Variants in CYP19A1 observed in about 807,000 individuals in gnomAD.
CYP19A1 encodes cytochrome P450 family 19 subfamily A member 1.
CYP19A1 carries 32 observed loss-of-function variants against 44.4 expected under a neutral mutation model. The observed-to-expected ratio is 0.72, with a 90% CI of 0.54 to 0.97. CYP19A1 has a LOEUF of 0.97. Ranked by LOEUF, CYP19A1 falls within the 50% of genes least tolerant of loss-of-function variation. CYP19A1 has a pLI of 0.00. For missense variants in CYP19A1, 598 were observed against 637.8 expected (o/e 0.94, Z 0.67); for synonymous variants, 212 against 215.6 (o/e 0.98, Z 0.14).
At chr15:51,282,895 T>C (rs1902579) in intron 1 of CYP19A1, among the ~76,000 whole-genome samples, 3,316 of 151,984 alleles carry the variant, frequency 0.022, 112 homozygotes, top group East Asian at 0.14. Flanking sequence ...GCATTTATTA[T>C]GAAGAGTGGG....
At chr15:51,219,061 G>A (rs1435383368) in intron 5 of CYP19A1, among the ~76,000 whole-genome samples, 2 of 152,204 alleles carry the variant, frequency 1.3e-5, no homozygotes, top group African/African-American at 2.4e-5. Context: ...CCTGTTAGGT[G>A]GCTAACAACC....
chr15:51,309,249 T>C (rs576813154), intron 1 of CYP19A1, among the ~76,000 whole-genome samples: 1 of 152,268 alleles, frequency 6.6e-6, no homozygotes, highest in East Asian at 1.9e-4. Context: ...ACAGCAAAAG[T>C]TGGCAAAGAC....
rs1289628542 is a variant in CYP19A1, at chr15:51,338,505, G to T, written c.-49C>A. On this transcript the variant is annotated 5_prime_UTR_variant, in exon 1 of 10. Coordinates refer to ENST00000396402, the MANE Select transcript of CYP19A1 (RefSeq NM_000103.4). ...TTAAGAGATACATACGCGACGTCTG[G>T]AAGATCCCGAGCACAGGACCTTCCG... is the stretch of plus-strand genomic sequence containing the variant. 6.6e-6 allele frequency: 1 copy of T among 152,180 alleles called. No individual in the cohort carries two copies. Among genetic ancestry groups the T allele is most frequent in the East Asian group, 1.9e-4 (1 of 5,188 alleles). The allele number at this position is 152,180 out of a possible 1,614,324, so 9.4% of individuals were successfully genotyped here. A position where few individuals can be genotyped will look rare whatever the true frequency, so the allele number is the denominator to read the frequency against.
intron 1 of CYP19A1, among the ~76,000 whole-genome samples, chr15:51,300,246 G>A (rs540298871): frequency 1.3e-5 from 2 of 152,286 alleles, no homozygotes; most frequent in South Asian, 2.1e-4. Flanking sequence ...AGAGAAGGCA[G>A]ATCCATGATC....
At chr15:51,308,823 C>T (rs755330240) in intron 1 of CYP19A1, among the ~76,000 whole-genome samples, 2 of 152,186 alleles carry the variant, frequency 1.3e-5, no homozygotes, top group African/African-American at 2.4e-5. Context: ...CAACACTTAT[C>T]ACACAGGCCT....
At chr15:51,276,703 T>C (rs2035321207) in intron 1 of CYP19A1, among the ~76,000 whole-genome samples, 1 of 152,232 alleles carries the variant, frequency 6.6e-6, no homozygotes. Flanking sequence ...CAATTCAATC[T>C]AAAACACCCA....
In CYP19A1 at chr15:51,280,390, G is replaced by A. The variant is rs181057331; in HGVS notation, c.-38-37440C>T. Among the ~76,000 whole-genome samples, 41 of 150,698 alleles carry A rather than the reference G, an allele frequency of 2.7e-4. No homozygotes were observed. The South Asian group carries it at 4.2e-3, about 16-fold the overall frequency. On this transcript the variant is annotated intron_variant, in intron 1 of 9. Transcript: ENST00000396402. ...TGGGATTACAGGTGTGAGCCACCAC[G>A]CCCAGCCAAAGCCTGCCCTTCTTCT...
At chr15:51,297,817 G>GAGACACAC (rs1491092779) in intron 1 of CYP19A1, among the ~76,000 whole-genome samples, 1 of 111,744 alleles carries the variant, frequency 8.9e-6, no homozygotes, top group African/African-American at 3.7e-5. Flanking sequence ...CTGTAGGCAT[G>GAGACACAC]ACACACACAC....
chr15:51,308,353 A>G (rs1205419441), intron 1 of CYP19A1, among the ~76,000 whole-genome samples: 1 of 152,174 alleles, frequency 6.6e-6, no homozygotes, highest in Non-Finnish European at 1.5e-5. Flanking sequence ...TCAGAGGAAA[A>G]TGTCCTGGGA....
intron 3 of CYP19A1, among the ~76,000 whole-genome samples, chr15:51,232,540 T>TGGAATGGAACCCTAATC (rs1389760497): frequency 1.3e-5 from 2 of 152,358 alleles, no homozygotes; most frequent in East Asian, 3.9e-4. Flanking sequence ...CTAACATGTC[T>TGGAATGGAACCCTAATC]GGAATGGAAC....
chr15:51,226,091 A>G (rs1311263550), intron 4 of CYP19A1, among the ~76,000 whole-genome samples: 1 of 1,226 alleles, frequency 8.2e-4, no homozygotes, highest in East Asian at 0.045. Context: ...TCTGTCTCAG[A>G]AAAAAAAAAA....
intron 1 of CYP19A1, among the ~76,000 whole-genome samples, chr15:51,277,820 G>GT (rs573625758): frequency 4.1e-4 from 62 of 151,604 alleles, no homozygotes; most frequent in Non-Finnish European, 6.5e-4. Flanking sequence ...CAAATATCAC[G>GT]TTTTTTTAAA....
chr15:51,230,617 CTTTTTTTTT>C (rs35011672), intron 3 of CYP19A1, among the ~76,000 whole-genome samples: 1 of 126,544 alleles, frequency 7.9e-6, no homozygotes, highest in Non-Finnish European at 1.6e-5. Context: ...TTGGTGCCTT[CTTTTTTTTT>C]TTTTTTTTTT....
intron 1 of CYP19A1, chr15:51,337,768 G>C (rs1429609151): frequency 6.6e-6 from 1 of 152,638 alleles, no homozygotes; most frequent in Non-Finnish European, 1.5e-5. Context: ...GAGCATGGCA[G>C]CTGCTTGGGC....
At chr15:51,335,246 A>C (rs74016714) in intron 1 of CYP19A1, among the ~76,000 whole-genome samples, 84 of 152,334 alleles carry the variant, frequency 5.5e-4, no homozygotes, top group African/African-American at 1.9e-3. Flanking sequence ...CATCACCTTC[A>C]CAACCACAGA....
intron 1 of CYP19A1, among the ~76,000 whole-genome samples, chr15:51,294,156 C>T (rs1228136094): frequency 3.0e-5 from 4 of 133,684 alleles, no homozygotes; most frequent in Non-Finnish European, 6.0e-5. Context: ...GTGAGGAGCC[C>T]CTCTGCCTGG....
chr15:51,274,299 A>G lies in CYP19A1; in HGVS notation c.-38-31349T>C, dbSNP rs990178250. On this transcript the variant is annotated intron_variant, in intron 1 of 9. Coordinates refer to ENST00000396402, the MANE Select transcript of CYP19A1 (RefSeq NM_000103.4). ...CGATTTTTGTACAAAAATTGAACCT[A>G]TTACTGGGCATTCTTTTCAGACTTC... is the stretch of plus-strand genomic sequence containing the variant. 3.3e-5 allele frequency among the ~76,000 whole-genome samples: 5 copies of G among 152,160 alleles called. No individual in the cohort carries two copies. The East Asian group carries it at 9.6e-4, about 29-fold the overall frequency.
chr15:51,283,519 G>T (rs940732380), intron 1 of CYP19A1, among the ~76,000 whole-genome samples: 1 of 152,174 alleles, frequency 6.6e-6, no homozygotes, highest in Admixed American at 6.5e-5. Flanking sequence ...TGGCATTGGA[G>T]GTAACTTACA....
chr15:51,283,589 A>G (rs992377300), intron 1 of CYP19A1, among the ~76,000 whole-genome samples: 2 of 152,338 alleles, frequency 1.3e-5, no homozygotes, highest in Non-Finnish European at 1.5e-5. Flanking sequence ...AATATGCCCC[A>G]TTTCTCAGGC....
Sources: gnomAD v4.1 joint callset for allele counts (sites outside exome capture counted in the v4.1 genomes callset) on GRCh38, gnomAD v4.1.1 for gene constraint, MANE v1.5 for transcripts, NCBI Gene and HGNC (gene_info 2026-07-23, HGNC 2026-07-21) for gene names.